ZFAND6: variants seen among roughly 807,000 people sequenced by gnomAD.
The protein encoded by ZFAND6 is AN1-type zinc finger protein 6.
A neutral mutation model predicts 24.5 loss-of-function variants in ZFAND6; 12 were observed. The observed-to-expected ratio is 0.49, with a 90% CI of 0.31 to 0.79. The LOEUF (loss-of-function observed/expected upper bound fraction) is 0.79. Ranked by LOEUF, ZFAND6 falls within the 30% of genes least tolerant of loss-of-function variation. ZFAND6 has a pLI of 0.04. For missense variants in ZFAND6, 207 were observed against 245.9 expected, an observed-to-expected ratio of 0.84 and a Z score of 1.06; for synonymous variants, 92 against 81.5, an observed-to-expected ratio of 1.13 and a Z score of -0.69.
intron 1 of ZFAND6, among the ~76,000 whole-genome samples, chr15:80,068,123 G>A (rs2036762185): frequency 6.7e-6 from 1 of 149,358 alleles, no homozygotes; most frequent in Non-Finnish European, 1.5e-5. Flanking sequence ...CACCGCGCCT[G>A]GCCTGTTTTT....
intron 1 of ZFAND6, among the ~76,000 whole-genome samples, chr15:80,084,038 T>C (rs2037843051): frequency 2.0e-5 from 3 of 152,162 alleles, no homozygotes; most frequent in African/African-American, 7.2e-5. Flanking sequence ...GGCAGTAAAG[T>C]GGCATGGGTT....
At chr15:80,125,751 C>T (rs747030882) in intron 5 of ZFAND6, among the ~76,000 whole-genome samples, 32 of 152,150 alleles carry the variant, frequency 2.1e-4, no homozygotes, top group Admixed American at 3.9e-4. Flanking sequence ...TTTGGTCAAC[C>T]TCTTAGTCCC....
chr15:80,083,888 G>T (rs1433664402), intron 1 of ZFAND6, among the ~76,000 whole-genome samples: 1 of 152,132 alleles, frequency 6.6e-6, no homozygotes, highest in Non-Finnish European at 1.5e-5. Context: ...AGAGCTTTAG[G>T]GCCCAGGAGG....
intron 2 of ZFAND6, among the ~76,000 whole-genome samples, chr15:80,100,782 A>G (rs1253997957): frequency 6.6e-6 from 1 of 152,328 alleles, no homozygotes; most frequent in East Asian, 1.9e-4. Flanking sequence ...TTTTTGGGCT[A>G]TATAAGGCCA....
intron 1 of ZFAND6, among the ~76,000 whole-genome samples, chr15:80,087,850 G>A (rs1026455069): frequency 1.6e-4 from 24 of 151,952 alleles, no homozygotes; most frequent in African/African-American, 5.3e-4. Context: ...TTCCTTGGGG[G>A]TGTATTATGC....
intron 5 of ZFAND6, among the ~76,000 whole-genome samples, chr15:80,123,740 G>A (rs370388679): frequency 7.9e-5 from 12 of 152,234 alleles, no homozygotes; most frequent in East Asian, 1.9e-4. Flanking sequence ...CAGGTGAGGC[G>A]GCACATACCT....
chr15:80,070,994 A>G (rs2036943730), intron 1 of ZFAND6, among the ~76,000 whole-genome samples: 1 of 152,204 alleles, frequency 6.6e-6, no homozygotes, highest in African/African-American at 2.4e-5. Context: ...TGGGCATTCA[A>G]AACAGTGAAT....
Position 80,088,449 on chromosome 15 carries a change from C to T in ZFAND6, c.-180-9967C>T, listed in dbSNP as rs145543378. Among the ~76,000 whole-genome samples the T allele has an allele frequency of 4.6e-3, 703 of 152,146 alleles. 4 individuals are homozygous for T. The highest frequency in any genetic ancestry group is 0.017 in the African/African-American group (685 of 41,482). ...GGTGTGGTGGTGCACGCCTGTAATC[C>T]CAGCTACTCAGGAGGCCGAAGCAGG... On this transcript the variant is annotated intron_variant, in intron 1 of 6. Transcript: ENST00000261749.
intron 6 of ZFAND6, among the ~76,000 whole-genome samples, chr15:80,132,208 G>T (rs541855517): frequency 6.6e-6 from 1 of 152,178 alleles, no homozygotes; most frequent in East Asian, 1.9e-4. Context: ...AAAATTTTTT[G>T]GAGATTTGCA....
At chr15:80,103,803 T>C (rs1176421222) in intron 2 of ZFAND6, among the ~76,000 whole-genome samples, 5 of 152,202 alleles carry the variant, frequency 3.3e-5, no homozygotes, top group African/African-American at 1.2e-4. Context: ...AAATAAACTT[T>C]ATGAAGGATT....
At chr15:80,114,953 T>C (rs776897523) in intron 2 of ZFAND6, 2 of 152,220 alleles carry the variant, frequency 1.3e-5, no homozygotes, top group African/African-American at 2.4e-5. Flanking sequence ...CAGAAAATTA[T>C]AGGTTTTCAG....
intron 1 of ZFAND6, among the ~76,000 whole-genome samples, chr15:80,080,444 C>G (rs553908249): frequency 6.6e-6 from 1 of 152,240 alleles, no homozygotes; most frequent in South Asian, 2.1e-4. Flanking sequence ...TACATAAATA[C>G]CTATGACATA....
intron 6 of ZFAND6, among the ~76,000 whole-genome samples, chr15:80,132,601 T>C (rs1438528329): frequency 1.3e-5 from 2 of 152,254 alleles, no homozygotes; most frequent in East Asian, 1.9e-4. Flanking sequence ...CACATTTTAA[T>C]CGGCACTGAT....
chr15:80,117,785 A>G (rs750967017), intron 2 of ZFAND6, among the ~76,000 whole-genome samples: 1 of 152,178 alleles, frequency 6.6e-6, no homozygotes, highest in East Asian at 1.9e-4. Context: ...AGAGTTGACT[A>G]CTAGTACAGT....
intron 5 of ZFAND6, among the ~76,000 whole-genome samples, chr15:80,125,000 CACACTCAT>C (rs1360694227): frequency 4.6e-5 from 7 of 152,128 alleles, no homozygotes; most frequent in African/African-American, 1.4e-4. Flanking sequence ...TGTATGTGCA[CACACTCAT>C]ACACTTACAT....
chr15:80,077,115 T>G (rs970561023), intron 1 of ZFAND6, among the ~76,000 whole-genome samples: 3 of 152,204 alleles, frequency 2.0e-5, no homozygotes, highest in African/African-American at 4.8e-5. Context: ...GTGGGAAGAT[T>G]AGGCAAAGTG....
At position 80,127,644 on chromosome 15, in the gene ZFAND6, A is replaced by C. The variant is rs12593643; in HGVS notation, c.365-3536A>C. On this transcript the variant is annotated intron_variant, in intron 5 of 6. Transcript: ENST00000261749. The stretch of plus-strand genomic sequence containing the variant: ...TGCTCAACTTCATTAGATATGAGGG[A>C]AATGGAAGTCATGGGACACCACTTC... Among the ~76,000 whole-genome samples, 3,066 of 151,192 alleles carry C rather than the reference A, an allele frequency of 0.02. 224 individuals carry two copies. The East Asian group carries it at 0.22, about 11-fold the overall frequency.
intron 4 of ZFAND6, 34 bp downstream of exon 4, chr15:80,121,854 C>G: frequency 1.3e-6 from 2 of 1,524,798 alleles, no homozygotes; most frequent in Non-Finnish European, 1.8e-6. Context: ...AATGAGAATG[C>G]TAATAAAAAC....
intron 1 of ZFAND6, among the ~76,000 whole-genome samples, chr15:80,081,084 A>G (rs956473523): frequency 3.9e-5 from 6 of 152,256 alleles, no homozygotes; most frequent in Admixed American, 6.5e-5. Flanking sequence ...CTCTGAATGA[A>G]TACTAAGTCT....
Sources: allele counts gnomAD v4.1 joint callset (sites outside exome capture counted in the v4.1 genomes callset), GRCh38; gene constraint gnomAD v4.1.1; transcripts MANE v1.5; gene names NCBI Gene and HGNC (gene_info 2026-07-23, HGNC 2026-07-21).